Variants in SEMA6D observed in about 807,000 individuals in gnomAD.
The protein encoded by SEMA6D is semaphorin 6D, also known as semaphorin-6D.
In SEMA6D, 35 loss-of-function variants were observed where a neutral mutation model predicts 106.6. That is an observed-to-expected ratio of 0.33 (90% CI 0.25 to 0.44). SEMA6D has a LOEUF of 0.44. Among genes scored for constraint, SEMA6D ranks in the 20% least tolerant of loss-of-function variants. The pLI, the probability that SEMA6D is intolerant of heterozygous loss-of-function variation, is 1.00. For missense variants in SEMA6D, 1,185 were observed against 1,345.9 expected (o/e 0.88, Z 1.87); for synonymous variants, 499 against 487.7 (o/e 1.02, Z -0.31).
chr15:47,559,905 T>G (rs966206609), intron 3 of SEMA6D, among the ~76,000 whole-genome samples: 28 of 152,230 alleles, frequency 1.8e-4, no homozygotes, highest in African/African-American at 6.7e-4. Context: ...ACACAACTTT[T>G]GACCAATCTT....
Position 47,528,110 on chromosome 15 carries a change from T to C in SEMA6D, c.-87+57565T>C, listed in dbSNP as rs182546366. ...ACCAAGGAAGGTGTAAGGCACCTGG[T>C]TGATGTAATCCTGAGTCTCTGTTTT... is the stretch of plus-strand genomic sequence containing the variant. On this transcript the variant is annotated intron_variant, in intron 3 of 19. Transcript: ENST00000558014. Among the ~76,000 whole-genome samples the C allele has an allele frequency of 4.6e-5, 7 of 152,346 alleles. No individual in the cohort carries two copies. The East Asian group carries it at 1.3e-3, about 29-fold the overall frequency.
intron 4 of SEMA6D, among the ~76,000 whole-genome samples, chr15:47,638,115 A>C (rs1030796333): frequency 1.9e-5 from 1 of 53,302 alleles, no homozygotes; most frequent in Non-Finnish European, 3.6e-5. Context: ...TATCTTAGAC[A>C]AAAAAAAACC....
intron 1 of SEMA6D, among the ~76,000 whole-genome samples, chr15:47,300,295 A>C (rs1047791716): frequency 2.0e-5 from 3 of 152,086 alleles, no homozygotes; most frequent in Non-Finnish European, 4.4e-5. Flanking sequence ...TGCCAAGTGA[A>C]CCTGGGCCAC....
At chr15:47,289,542 G>A (rs1273436562) in intron 1 of SEMA6D, among the ~76,000 whole-genome samples, 4 of 152,048 alleles carry the variant, frequency 2.6e-5, no homozygotes, top group Non-Finnish European at 5.9e-5. Flanking sequence ...TTGAGTGAAA[G>A]GCAAAAAGTG....
At chr15:47,663,051 A>T (rs1222156547) in intron 4 of SEMA6D, among the ~76,000 whole-genome samples, 4 of 152,214 alleles carry the variant, frequency 2.6e-5, no homozygotes, top group Non-Finnish European at 4.4e-5. Context: ...GGCATTGAAG[A>T]TCAGAGTAAA....
chr15:47,359,774 A>G (rs991076502), intron 1 of SEMA6D: 1 of 152,112 alleles, frequency 6.6e-6, no homozygotes, highest in Non-Finnish European at 1.5e-5. Context: ...TTCAGAGATT[A>G]TTTGTCAGAA....
chr15:47,407,337 C>A (rs1376154123), intron 1 of SEMA6D, among the ~76,000 whole-genome samples: 1 of 133,976 alleles, frequency 7.5e-6, no homozygotes, highest in African/African-American at 2.8e-5. Flanking sequence ...CCACTGCACT[C>A]CAGCCTGGCT....
At chr15:47,548,479 T>C (rs987322380) in intron 3 of SEMA6D, among the ~76,000 whole-genome samples, 2 of 152,070 alleles carry the variant, frequency 1.3e-5, no homozygotes, top group African/African-American at 4.8e-5. Flanking sequence ...TTTGCACATG[T>C]TCAAAAATAT....
intron 4 of SEMA6D, among the ~76,000 whole-genome samples, chr15:47,643,642 A>G (rs569282664): frequency 1.3e-5 from 2 of 152,348 alleles, no homozygotes; most frequent in Non-Finnish European, 2.9e-5. Context: ...GACAGGCAGT[A>G]GTCGTACATA....
intron 1 of SEMA6D, among the ~76,000 whole-genome samples, chr15:47,338,657 G>A (rs2144384591): frequency 6.6e-6 from 1 of 152,334 alleles, no homozygotes; most frequent in African/African-American, 2.4e-5. Context: ...ATGACTGAAT[G>A]AGGTTCTAGT....
At chr15:47,430,605 G>T (rs2041491111) in intron 2 of SEMA6D, among the ~76,000 whole-genome samples, 1 of 152,056 alleles carries the variant, frequency 6.6e-6, no homozygotes, top group Admixed American at 6.6e-5. Context: ...TACTAAGACA[G>T]ACCAGACAGA....
rs2082599902 is a variant in SEMA6D, at chr15:47,771,010, A to G, written c.2447A>G (p.His816Arg). ...PQFFPSSPPP[H>R]SPLSHGHIPS... is the part of the protein sequence containing the mutation. ...TTTTTTCCGTCTAGTCCGCCACCTC[A>G]TTCCCCATTAAGTCATGGGCATATC... The change falls in exon 19 of 19, where the codon CAT becomes CGT. Residue 816 changes from histidine to arginine, a missense_variant. By Grantham distance (29) the His-to-Arg change is conservative. Around this residue, in one of 3 missense-constraint regions of SEMA6D, gnomAD observed 750 missense variants for 783.5 expected, o/e 0.96. Transcript: ENST00000536845. The G allele has an allele frequency of 6.2e-7, 1 of 1,614,058 alleles. No individual in the cohort carries two copies. The highest frequency in any genetic ancestry group is 2.2e-5 in the East Asian group (1 of 44,860).
intron 3 of SEMA6D, among the ~76,000 whole-genome samples, chr15:47,477,900 C>T (rs894607086): frequency 1.3e-5 from 2 of 152,084 alleles, no homozygotes; most frequent in African/African-American, 4.8e-5. Context: ...TATGTAAATG[C>T]CCAATCAGTT....
chr15:47,682,161 A>C, intron 4 of SEMA6D, among the ~76,000 whole-genome samples: 1 of 151,630 alleles, frequency 6.6e-6, no homozygotes, highest in Non-Finnish European at 1.5e-5. Context: ...CCTGATCCAA[A>C]CAGTGCCACT....
At chr15:47,609,228 C>T (rs529358018) in intron 4 of SEMA6D, among the ~76,000 whole-genome samples, 1 of 152,200 alleles carries the variant, frequency 6.6e-6, no homozygotes, top group African/African-American at 2.4e-5. Flanking sequence ...CTTTACAGCC[C>T]ATTACATAGA....
At chr15:47,249,653 G>A (rs2033401009) in intron 1 of SEMA6D, among the ~76,000 whole-genome samples, 1 of 152,192 alleles carries the variant, frequency 6.6e-6, no homozygotes, top group South Asian at 2.1e-4. Flanking sequence ...CCCAGAAGGT[G>A]AAGGAACCAG....
In SEMA6D at chr15:47,774,154, T is replaced by G. The variant is rs1283322746; in HGVS notation, c.*2369T>G. 6.6e-6 allele frequency: 1 copy of G among 152,660 alleles called. No individual in the cohort carries two copies. The highest frequency in any genetic ancestry group is 1.5e-5 in the Non-Finnish European group (1 of 68,044). The allele number at this position is 152,660 out of a possible 1,614,324, so 9.5% of individuals were successfully genotyped here. ...ACCTTGTAAACTTGTATTGTGGATG[T>G]GTAAATAATATGTACTTTGGGTTTT... On this transcript the variant is annotated 3_prime_UTR_variant, in exon 19 of 19. Transcript: ENST00000536845.
chr15:47,742,755 A>C (rs2080894571), intron 1 of SEMA6D, among the ~76,000 whole-genome samples: 1 of 152,124 alleles, frequency 6.6e-6, no homozygotes, highest in South Asian at 2.1e-4. Flanking sequence ...TCTTTCCCCC[A>C]GTCCTGCTAG....
rs76460641 is a variant in SEMA6D at position 47,770,848 on chromosome 15, G to A, written c.2285G>A (p.Arg762Gln). The A allele has an allele frequency of 4.0e-4, 645 of 1,613,880 alleles. No individual in the cohort carries two copies. In the African/African-American group the frequency reaches 7.2e-3, roughly 18 times the overall value. Residue 762 changes from arginine (R) to glutamine (Q), a missense_variant, in exon 19 of 19, where the codon CGA becomes CAA. Arg to Gln is a conservative substitution (Grantham distance 43). Around this residue, in one of 3 missense-constraint regions of SEMA6D, gnomAD observed 750 missense variants for 783.5 expected, o/e 0.96. Transcript: ENST00000536845. ...GDTKSMVMDH[R>Q]GQPPELAALP... is the part of the protein sequence containing the mutation. ...ACTAAATCCATGGTAATGGACCATC[G>A]AGGGCAACCTCCAGAGTTGGCTGCT... is the stretch of plus-strand genomic sequence containing the variant.
Sources: gnomAD v4.1 joint callset for allele counts (sites outside exome capture counted in the v4.1 genomes callset) on GRCh38, gnomAD v4.1.1 for gene constraint, gnomAD v4.1.1 regional missense constraint, MANE v1.5 for transcripts, NCBI Gene and HGNC (gene_info 2026-07-23, HGNC 2026-07-21) for gene names.